Variants in AFF3 observed in about 807,000 individuals in gnomAD.
The protein encoded by AFF3 is AF4/FMR2 family member 3.
In AFF3, 32 loss-of-function variants were observed where a neutral mutation model predicts 129.7. That is an observed-to-expected ratio of 0.25 (90% CI 0.19 to 0.33). AFF3 has a LOEUF of 0.33. AFF3 is among the 10% of genes least tolerant of loss of function. The pLI, the probability that AFF3 is intolerant of heterozygous loss-of-function variation, is 1.00. For missense variants in AFF3, 1,373 were observed against 1,592.0 expected, an observed-to-expected ratio of 0.86 and a Z score of 2.34; for synonymous variants, 644 against 635.4, an observed-to-expected ratio of 1.01 and a Z score of -0.20.
chr2:99,846,260 G>A (rs572913663), intron 7 of AFF3, among the ~76,000 whole-genome samples: 1 of 152,128 alleles, frequency 6.6e-6, no homozygotes, highest in African/African-American at 2.4e-5. Context: ...CTCCCGAGTA[G>A]CTGGGATTAT....
At chr2:100,086,557 T>A (rs1399467206) in intron 4 of AFF3, among the ~76,000 whole-genome samples, 1 of 152,172 alleles carries the variant, frequency 6.6e-6, no homozygotes, top group Non-Finnish European at 1.5e-5. Context: ...AATTCCCATA[T>A]CTAAGAGAAC....
chr2:99,801,582 C>A (rs940042721), intron 8 of AFF3, among the ~76,000 whole-genome samples: 1 of 152,166 alleles, frequency 6.6e-6, no homozygotes, highest in African/African-American at 2.4e-5. Flanking sequence ...CTCAAGTTCC[C>A]ACTACTGAAG....
intron 7 of AFF3, among the ~76,000 whole-genome samples, chr2:99,892,649 C>T (rs144905324): frequency 1.3e-5 from 2 of 152,282 alleles, no homozygotes; most frequent in African/African-American, 2.4e-5. Context: ...TCCTTCTACT[C>T]GCATTCCCTC....
At chr2:99,612,016 C>T (rs567094922) in intron 13 of AFF3, among the ~76,000 whole-genome samples, 3 of 152,270 alleles carry the variant, frequency 2.0e-5, no homozygotes, top group African/African-American at 7.2e-5. Flanking sequence ...CCACTCTGTG[C>T]TATACAAGGA....
intron 4 of AFF3, among the ~76,000 whole-genome samples, chr2:100,096,577 C>T (rs1419171621): frequency 6.6e-6 from 1 of 150,632 alleles, no homozygotes. Flanking sequence ...CCTTACAAGT[C>T]AAAGTTTGGT....
intron 8 of AFF3, among the ~76,000 whole-genome samples, chr2:99,791,197 T>C (rs966340627): frequency 2.0e-5 from 3 of 152,154 alleles, no homozygotes; most frequent in African/African-American, 4.8e-5. Flanking sequence ...TTATTCAAGA[T>C]GGAAATGTGT....
chr2:99,868,130 A>G (rs1691584141), intron 7 of AFF3, among the ~76,000 whole-genome samples: 1 of 152,072 alleles, frequency 6.6e-6, no homozygotes, highest in South Asian at 2.1e-4. Context: ...AGCTTTTGAA[A>G]GAGTGCTGGG....
intron 8 of AFF3, among the ~76,000 whole-genome samples, chr2:99,765,896 A>G (rs1682968372): frequency 6.6e-6 from 1 of 152,198 alleles, no homozygotes; most frequent in Admixed American, 6.5e-5. Context: ...GCATGTCCAT[A>G]AAGGGAAGGA....
At chr2:99,827,623 C>T (rs1688189975) in intron 8 of AFF3, among the ~76,000 whole-genome samples, 1 of 151,380 alleles carries the variant, frequency 6.6e-6, no homozygotes, top group African/African-American at 2.4e-5. Flanking sequence ...GAAAGAGCTG[C>T]AAGCAATGTA....
intron 7 of AFF3, among the ~76,000 whole-genome samples, chr2:99,936,818 C>T (rs965798439): frequency 3.9e-5 from 6 of 152,182 alleles, no homozygotes; most frequent in Non-Finnish European, 8.8e-5. Flanking sequence ...TATTGTCATG[C>T]ATTTTTCCCC....
At chr2:99,947,663 G>C (rs916183489) in intron 7 of AFF3, among the ~76,000 whole-genome samples, 5 of 152,054 alleles carry the variant, frequency 3.3e-5, no homozygotes, top group East Asian at 1.9e-4. Flanking sequence ...TAGACAGACA[G>C]ACAGACAGAT....
At chr2:99,816,876 T>C (rs1345086709) in intron 8 of AFF3, among the ~76,000 whole-genome samples, 1 of 152,108 alleles carries the variant, frequency 6.6e-6, no homozygotes, top group Non-Finnish European at 1.5e-5. Context: ...CTCCTCTGGG[T>C]ACAGTGAGTT....
chr2:99,739,900 G>A (rs1379475609), intron 10 of AFF3, among the ~76,000 whole-genome samples: 1 of 151,536 alleles, frequency 6.6e-6, no homozygotes, highest in Admixed American at 6.6e-5. Flanking sequence ...CCATGCTGGT[G>A]TGCTGCACCC....
intron 8 of AFF3, among the ~76,000 whole-genome samples, chr2:99,828,461 G>C (rs1269437789): frequency 6.6e-6 from 1 of 152,178 alleles, no homozygotes; most frequent in South Asian, 2.1e-4. Context: ...ACTCCAACCT[G>C]TCAGTCCTGG....
intron 7 of AFF3, among the ~76,000 whole-genome samples, chr2:99,890,376 C>CTT (rs1693457321): frequency 6.6e-6 from 1 of 152,214 alleles, no homozygotes; most frequent in Non-Finnish European, 1.5e-5. Context: ...GCTTCTAATC[C>CTT]TTTAGTTTTG....
chr2:99,569,404 T>G (rs1676277349), intron 18 of AFF3, among the ~76,000 whole-genome samples: 1 of 152,222 alleles, frequency 6.6e-6, no homozygotes, highest in Non-Finnish European at 1.5e-5. Flanking sequence ...TTGAATTATC[T>G]TAAAGCCTCA....
chr2:100,021,405 T>G (rs559465294), intron 4 of AFF3, among the ~76,000 whole-genome samples: 1 of 152,208 alleles, frequency 6.6e-6, no homozygotes, highest in Non-Finnish European at 1.5e-5. Context: ...AAATATGTGG[T>G]AAATGAACGT....
At chr2:100,108,968 C>T (rs1165893614) in intron 2 of AFF3, among the ~76,000 whole-genome samples, 2 of 119,538 alleles carry the variant, frequency 1.7e-5, no homozygotes, top group East Asian at 5.0e-4. Flanking sequence ...AGGAATGCAC[C>T]TTCCCCAAAG....
At chr2:99,829,271 C>G (rs1688336245) in intron 8 of AFF3, among the ~76,000 whole-genome samples, 1 of 152,058 alleles carries the variant, frequency 6.6e-6, no homozygotes, top group African/African-American at 2.4e-5. Context: ...GTAACAAAAG[C>G]CAAAATTGAC....
Sources: gnomAD v4.1 joint callset for allele counts (sites outside exome capture counted in the v4.1 genomes callset) on GRCh38, gnomAD v4.1.1 for gene constraint, MANE v1.5 for transcripts, NCBI Gene and HGNC (gene_info 2026-07-23, HGNC 2026-07-21) for gene names.